The following RIMBP2 variants were observed in gnomAD, a reference collection of about 807,000 sequenced individuals.
RIMBP2 encodes RIMS binding protein 2.
A neutral mutation model predicts 118.6 loss-of-function variants in RIMBP2; 48 were observed. That is an observed-to-expected ratio of 0.40 (90% CI 0.32 to 0.51). The LOEUF is 0.51. Among genes scored for constraint, RIMBP2 ranks in the 20% least tolerant of loss-of-function variants. RIMBP2 has a pLI of 0.41. For missense variants in RIMBP2, 1,551 were observed against 1,768.3 expected (o/e 0.88, Z 2.20); for synonymous variants, 762 against 742.9 (o/e 1.03, Z -0.42).
At chr12:130,417,157 G>A (rs963857317) in intron 17 of RIMBP2, among the ~76,000 whole-genome samples, 7 of 152,144 alleles carry the variant, frequency 4.6e-5, no homozygotes, top group African/African-American at 1.7e-4. Flanking sequence ...ACGGAAATTA[G>A]TTCAGCCACT....
chr12:130,434,786 C>T lies in RIMBP2; in HGVS notation c.2201G>A (p.Arg734Lys), dbSNP rs201779340. The T allele has an allele frequency of 6.2e-7, 1 of 1,613,938 alleles. No individual in the cohort carries two copies. Among genetic ancestry groups the T allele is most frequent in the African/African-American group, 1.3e-5 (1 of 75,064 alleles). Reference protein sequence around the residue: ...EDAYDSPDFKRRGASVDDFLK... With the variant: ...EDAYDSPDFKKRGASVDDFLK... The stretch of plus-strand genomic sequence containing the variant: ...GAAGTCGTCCACCGAGGCGCCCCTC[C>T]TCTTGAAGTCTGGAGAGTCATAGGC... The change falls in exon 14 of 23, where the codon AGG becomes AAG. Residue 734 changes from arginine (R) to lysine (K), a missense_variant. By Grantham distance (26) the Arg-to-Lys change is conservative. Around this residue, in one of 5 missense-constraint regions of RIMBP2, gnomAD observed 1,038 missense variants for 1,125.1 expected, o/e 0.92. Coordinates refer to ENST00000690449, the MANE Select transcript of RIMBP2 (RefSeq NM_001393629.1). This position sits in a 1 kb window ranked among gnomAD's most constrained non-coding sequence, Gnocchi z 5.7.
At position 130,688,036 on chromosome 12, in the gene RIMBP2, C is replaced by T. The variant is rs2065139659; in HGVS notation, c.-352+28186G>A. Among the ~76,000 whole-genome samples the T allele has an allele frequency of 6.6e-6, 1 of 152,202 alleles. No individual in the cohort carries two copies. Among genetic ancestry groups the T allele is most frequent in the African/African-American group, 2.4e-5 (1 of 41,444 alleles). On this transcript the variant is annotated intron_variant, in intron 1 of 22. Coordinates refer to ENST00000690449, the MANE Select transcript of RIMBP2 (RefSeq NM_001393629.1). This position sits in a 1 kb window ranked among gnomAD's most constrained non-coding sequence, Gnocchi z 4.7. ...AATCTCGGCCAACAGCTCAGATCAA[C>T]TATTGTTAAAATTCGTACTGTGGGA...
At chr12:130,428,368 G>A in intron 14 of RIMBP2, 31 bp from the exon 15 acceptor site, 3 of 1,585,354 alleles carry the variant, frequency 1.9e-6, no homozygotes, top group Non-Finnish European at 2.6e-6. Context: ...CTACTGAGCG[G>A]GTGGCTCCTC....
At chr12:130,615,023 C>T (rs76033380) in intron 2 of RIMBP2, among the ~76,000 whole-genome samples, 35 of 148,502 alleles carry the variant, frequency 2.4e-4, no homozygotes, top group African/African-American at 6.6e-4. Context: ...TGGCAGGAAA[C>T]GTGCAGATAC....
chr12:130,473,147 G>A (rs1291404390), intron 5 of RIMBP2, among the ~76,000 whole-genome samples: 1 of 152,242 alleles, frequency 6.6e-6, no homozygotes, highest in East Asian at 1.9e-4. Context: ...AGCTTCAGAT[G>A]AAAACCAGTG....
At chr12:130,699,446 G>A (rs2065734226) in intron 1 of RIMBP2, among the ~76,000 whole-genome samples, 1 of 151,852 alleles carries the variant, frequency 6.6e-6, no homozygotes, top group Admixed American at 6.6e-5. Context: ...GATGAAACTG[G>A]AAACCATCAT....
Position 130,636,335 on chromosome 12 carries a change from A to G in RIMBP2, c.-351-7879T>C, listed in dbSNP as rs561922314. Among the ~76,000 whole-genome samples, 4 of 152,176 alleles carry G rather than the reference A, an allele frequency of 2.6e-5. No individual in the cohort carries two copies. In the South Asian group the frequency reaches 6.2e-4, roughly 24 times the overall value. ...CAGATTCCTAATTTCCTAACTACCT[A>G]TTGGTGGTCCTCACAGAACTAGAAC... is the stretch of plus-strand genomic sequence containing the variant. On this transcript the variant is annotated intron_variant, in intron 1 of 22. Coordinates refer to ENST00000690449, the MANE Select transcript of RIMBP2 (RefSeq NM_001393629.1).
intron 2 of RIMBP2, among the ~76,000 whole-genome samples, chr12:130,615,245 C>CATAATTACGT (rs2060834808): frequency 7.7e-6 from 1 of 129,740 alleles, no homozygotes; most frequent in Non-Finnish European, 1.6e-5. Flanking sequence ...TATATGTACA[C>CATAATTACGT]ATAATTATGT....
At chr12:130,529,558 T>C (rs560684312) in intron 2 of RIMBP2, among the ~76,000 whole-genome samples, 32 of 152,336 alleles carry the variant, frequency 2.1e-4, no homozygotes, top group African/African-American at 7.7e-4. Flanking sequence ...GGCCACACAA[T>C]GTTGCAAATG....
chr12:130,488,865 A>C (rs192358386), intron 4 of RIMBP2, among the ~76,000 whole-genome samples: 5 of 152,332 alleles, frequency 3.3e-5, no homozygotes, highest in Non-Finnish European at 7.3e-5. Context: ...AACTGAGACT[A>C]GATTTCCCTT....
At position 130,397,264 on chromosome 12, in the gene RIMBP2, A is replaced by AGATT. The variant is rs1221157535; in HGVS notation, c.*93_*96dup. ...ATTTCTCTACTGGTGTCAGGGGAGA[A>AGATT]GATTGGGTTTTTTTAGGAAGTACTT... is the stretch of plus-strand genomic sequence containing the variant. On this transcript the variant is annotated 3_prime_UTR_variant, in exon 23 of 23. Coordinates refer to ENST00000690449, the MANE Select transcript of RIMBP2 (RefSeq NM_001393629.1). 1 of 395,986 alleles carries AGATT rather than the reference A, an allele frequency of 2.5e-6. No individual in the cohort carries two copies. Among genetic ancestry groups the AGATT allele is most frequent in the African/African-American group, 2.1e-5 (1 of 48,548 alleles). The allele number at this position is 395,986 out of a possible 1,614,324, so 24.5% of individuals were successfully genotyped here.
rs772072350 is a variant in RIMBP2, at chr12:130,456,536, G to C, written c.318C>G (p.Phe106Leu). 20 of 1,607,700 alleles carry C rather than the reference G, an allele frequency of 1.2e-5. No individual in the cohort carries two copies. The highest frequency in any genetic ancestry group is 6.0e-6 in the Non-Finnish European group (7 of 1,175,180). Reference protein sequence around the residue: ...LDISTAPSKPFPQFMNGLATS... With the variant: ...LDISTAPSKPLPQFMNGLATS... Reference sequence around the variant, plus strand: ...TGGCTAGGCCATTCATGAACTGTGGGAAAGGCTTGCTGGGGGCCGTGGAGA... The same window carrying C: ...TGGCTAGGCCATTCATGAACTGTGGCAAAGGCTTGCTGGGGGCCGTGGAGA... Residue 106 changes from phenylalanine to leucine, a missense_variant, in exon 7 of 23, where the codon TTC becomes TTG. Physicochemically the swap from Phe to Leu is conservative, Grantham distance 22. Coordinates refer to ENST00000690449, the MANE Select transcript of RIMBP2 (RefSeq NM_001393629.1).
rs1251157315 is a variant in RIMBP2, at chr12:130,710,052, A to T, written c.-352+6170T>A. 7.9e-5 allele frequency among the ~76,000 whole-genome samples: 12 copies of T among 152,114 alleles called. No homozygotes were observed. The highest frequency in any genetic ancestry group is 1.5e-5 in the Non-Finnish European group (1 of 68,020). The stretch of plus-strand genomic sequence containing the variant: ...CCCCTGGTTTCCGGGTATCCCTGGG[A>T]GCTCACGGGTGGACACCGAGGGTCT... On this transcript the variant is annotated intron_variant, in intron 1 of 22. Transcript: ENST00000690449. This position sits in a 1 kb window ranked among gnomAD's most constrained non-coding sequence, Gnocchi z 4.3.
intron 2 of RIMBP2, among the ~76,000 whole-genome samples, chr12:130,627,667 A>G (rs1314419967): frequency 1.3e-5 from 2 of 152,058 alleles, no homozygotes; most frequent in Non-Finnish European, 2.9e-5. Flanking sequence ...CCCTTCCACC[A>G]TGCAGCCCAC....
chr12:130,624,436 T>C (rs2061501843), intron 2 of RIMBP2, among the ~76,000 whole-genome samples: 1 of 152,214 alleles, frequency 6.6e-6, no homozygotes. Flanking sequence ...CATCCACTTT[T>C]GTCTATACAC....
At chr12:130,664,481 G>A (rs1234838866) in intron 1 of RIMBP2, among the ~76,000 whole-genome samples, 7 of 127,838 alleles carry the variant, frequency 5.5e-5, no homozygotes, top group East Asian at 4.9e-4. Context: ...GCACGCACAC[G>A]CATCACACAC....
chr12:130,423,680 A>T (rs2076568068), intron 16 of RIMBP2, among the ~76,000 whole-genome samples: 1 of 134,992 alleles, frequency 7.4e-6, no homozygotes, highest in African/African-American at 2.8e-5. Flanking sequence ...AAAAAAATAG[A>T]TTTCTTCAAT....
Position 130,442,346 on chromosome 12 carries a change from G to T in RIMBP2, c.1006C>A (p.Pro336Thr). The change falls in exon 11 of 23, where the codon CCC (proline) becomes ACC (threonine). Residue 336 changes from proline (P) to threonine (T), a missense_variant. Around this residue, in one of 5 missense-constraint regions of RIMBP2, gnomAD observed 265 missense variants for 349.5 expected, o/e 0.76. Coordinates refer to ENST00000690449, the MANE Select transcript of RIMBP2 (RefSeq NM_001393629.1). The surrounding 1 kb of genome is among the most constrained non-coding windows in gnomAD (Gnocchi z 6.9). ...LAKSVIVGWE[P>T]PAVPPGWGTV... is the part of the protein sequence containing the mutation. Reference sequence around the variant, plus strand: ...CCCCATCCTGGTGGCACCGCCGGGGGCTCCCAGCCCACAATAACACTTTTG... The same window carrying T: ...CCCCATCCTGGTGGCACCGCCGGGGTCTCCCAGCCCACAATAACACTTTTG... The T allele has an allele frequency of 6.2e-7, 1 of 1,614,210 alleles. No individual in the cohort carries two copies. Among genetic ancestry groups the T allele is most frequent in the East Asian group, 2.2e-5 (1 of 44,868 alleles).
chr12:130,708,683 C>T (rs1420337556), intron 1 of RIMBP2, among the ~76,000 whole-genome samples: 1 of 152,120 alleles, frequency 6.6e-6, no homozygotes, highest in Non-Finnish European at 1.5e-5. Flanking sequence ...GAGACCCTGT[C>T]TCAAAAAAAC....
Sources: allele counts gnomAD v4.1 joint callset (sites outside exome capture counted in the v4.1 genomes callset), GRCh38; gene constraint gnomAD v4.1.1; regional missense constraint gnomAD v4.1.1; non-coding constraint Gnocchi (gnomAD v3.1); transcripts MANE v1.5; gene names NCBI Gene and HGNC (gene_info 2026-07-23, HGNC 2026-07-21).